The following FOXJ3 variants were observed in gnomAD, a reference collection of about 807,000 sequenced individuals.
The protein encoded by FOXJ3 is forkhead box J3, also known as forkhead box protein J3.
In FOXJ3, 22 loss-of-function variants were observed where a neutral mutation model predicts 76.1. That is an observed-to-expected ratio of 0.29 (90% CI 0.21 to 0.41). FOXJ3 has a LOEUF of 0.41. Ranked by LOEUF, FOXJ3 falls within the 10% of genes least tolerant of loss-of-function variation. The probability of loss-of-function intolerance (pLI) is 1.00; values close to 1 mark genes in which losing one functional copy is unlikely to be tolerated. For missense variants in FOXJ3, 613 were observed against 762.1 expected (o/e 0.80, Z 2.30); for synonymous variants, 269 against 261.2 (o/e 1.03, Z -0.29).
intron 5 of FOXJ3, among the ~76,000 whole-genome samples, chr1:42,226,184 T>C (rs780987736): frequency 4.0e-5 from 6 of 151,264 alleles, no homozygotes; most frequent in Non-Finnish European, 8.8e-5. Flanking sequence ...AAGCCTACTT[T>C]AAAAGGCAAA....
Position 42,191,372 on chromosome 1 carries a change from G to T in FOXJ3, c.1282C>A (p.Pro428Thr). ...PSPHQHIQHH[P>T]NHQHQTLTHQ... ...GTTAACGTCTGATGCTGATGGTTCG[G>T]ATGGTGCTGTATGTGTTGATGTGGA... is the stretch of plus-strand genomic sequence containing the variant. Residue 428 changes from proline to threonine, a missense_variant, in exon 9 of 13, where the codon CCG becomes ACG. By Grantham distance (38) the Pro-to-Thr change is conservative. Coordinates refer to ENST00000361346, the MANE Select transcript of FOXJ3 (RefSeq NM_014947.5). 6.3e-7 allele frequency: 1 copy of T among 1,595,084 alleles called. No individual in the cohort carries two copies. Among genetic ancestry groups the T allele is most frequent in the Non-Finnish European group, 8.6e-7 (1 of 1,166,214 alleles).
intron 2 of FOXJ3, among the ~76,000 whole-genome samples, chr1:42,309,437 C>G (rs562817063): frequency 2.0e-5 from 3 of 152,158 alleles, no homozygotes; most frequent in Admixed American, 2.0e-4. Flanking sequence ...TTCAGTGAAG[C>G]CTTCCCTTAG....
intron 4 of FOXJ3, among the ~76,000 whole-genome samples, chr1:42,260,703 G>A (rs1290369676): frequency 6.6e-6 from 1 of 152,118 alleles, no homozygotes; most frequent in Non-Finnish European, 1.5e-5. Context: ...TCACAATCCT[G>A]TAAGTTTCAA....
intron 2 of FOXJ3, among the ~76,000 whole-genome samples, chr1:42,302,798 T>G (rs962280509): frequency 7.9e-5 from 12 of 152,158 alleles, no homozygotes; most frequent in African/African-American, 2.7e-4. Context: ...GGCATGTGTT[T>G]TATATTTAAC....
chr1:42,281,792 C>T (rs1248001444), intron 2 of FOXJ3, among the ~76,000 whole-genome samples: 1 of 152,166 alleles, frequency 6.6e-6, no homozygotes, highest in Non-Finnish European at 1.5e-5. Context: ...GGTGCGGTGG[C>T]TCATGCCTGT....
intron 5 of FOXJ3, among the ~76,000 whole-genome samples, chr1:42,220,418 G>A (rs1647158468): frequency 6.6e-6 from 1 of 152,076 alleles, no homozygotes; most frequent in Non-Finnish European, 1.5e-5. Context: ...CAAAGGGTCT[G>A]AAAACACACT....
chr1:42,248,730 C>CTTTTTTTTTTT (rs4019587), intron 4 of FOXJ3, among the ~76,000 whole-genome samples: 2 of 92,238 alleles, frequency 2.2e-5, no homozygotes, highest in African/African-American at 8.1e-5. Flanking sequence ...CCTGTTTTTT[C>CTTTTTTTTTTT]TTTTTTTTTT....
chr1:42,280,009 TA>T (rs2124678741), intron 2 of FOXJ3, among the ~76,000 whole-genome samples: 1 of 152,236 alleles, frequency 6.6e-6, no homozygotes, highest in South Asian at 2.1e-4. Flanking sequence ...ACCCAGAGTC[TA>T]AGTACTGATT....
chr1:42,289,145 CT>C (rs1421568196), intron 2 of FOXJ3, among the ~76,000 whole-genome samples: 10 of 151,638 alleles, frequency 6.6e-5, no homozygotes, highest in African/African-American at 2.2e-4. Context: ...GATCTTCAGT[CT>C]TTTGGTCTCT....
At chr1:42,329,130 G>A (rs1327905553) in intron 1 of FOXJ3, among the ~76,000 whole-genome samples, 4 of 152,058 alleles carry the variant, frequency 2.6e-5, no homozygotes, top group African/African-American at 4.8e-5. Context: ...AAATAGAATC[G>A]CAGCCAAAGG....
intron 2 of FOXJ3, among the ~76,000 whole-genome samples, chr1:42,300,926 T>C (rs559884458): frequency 2.0e-5 from 3 of 152,318 alleles, no homozygotes; most frequent in African/African-American, 7.2e-5. Flanking sequence ...CCCTTCTCTC[T>C]TGCTACTCTT....
At chr1:42,335,487 A>C (rs1206845300), upstream of FOXJ3, 2 of 152,344 alleles carry the variant, frequency 1.3e-5, no homozygotes, top group East Asian at 3.9e-4. Context: ...TCTGGGAGCA[A>C]AGGCGGCGGA....
At chr1:42,291,984 C>T (rs1315941803) in intron 2 of FOXJ3, among the ~76,000 whole-genome samples, 3 of 151,872 alleles carry the variant, frequency 2.0e-5, no homozygotes, top group African/African-American at 7.3e-5. Context: ...CTCAGGGTCC[C>T]GATGCCGGTG....
At chr1:42,193,821 T>C (rs115323476) in intron 8 of FOXJ3, among the ~76,000 whole-genome samples, 26 of 152,270 alleles carry the variant, frequency 1.7e-4, no homozygotes, top group African/African-American at 5.8e-4. Flanking sequence ...ATGTTGGAAC[T>C]TCAACCCCCA....
chr1:42,302,925 T>C (rs1195953258), intron 2 of FOXJ3, among the ~76,000 whole-genome samples: 1 of 152,058 alleles, frequency 6.6e-6, no homozygotes, highest in Non-Finnish European at 1.5e-5. Flanking sequence ...CTCCTGTCTT[T>C]TGCTAACAAA....
intron 1 of FOXJ3, among the ~76,000 whole-genome samples, chr1:42,333,682 A>G (rs1017042869): frequency 6.6e-6 from 1 of 152,196 alleles, no homozygotes; most frequent in African/African-American, 2.4e-5. Flanking sequence ...TCAAAACAGC[A>G]AAACAGAAGA....
chr1:42,227,655 C>A (rs1229557555), intron 5 of FOXJ3, among the ~76,000 whole-genome samples: 1 of 152,194 alleles, frequency 6.6e-6, no homozygotes, highest in African/African-American at 2.4e-5. Context: ...TCAAACGACA[C>A]CTGCGCCCTA....
intron 2 of FOXJ3, among the ~76,000 whole-genome samples, chr1:42,283,462 T>C (rs1298042296): frequency 6.6e-6 from 1 of 152,184 alleles, no homozygotes; most frequent in African/African-American, 2.4e-5. Context: ...ACTTTCCTAA[T>C]TCCCAAAGTG....
chr1:42,237,164 A>C (rs185268021), intron 4 of FOXJ3, among the ~76,000 whole-genome samples: 5 of 152,072 alleles, frequency 3.3e-5, no homozygotes, highest in South Asian at 2.1e-4. Flanking sequence ...TCACGAGGTA[A>C]GGAGATCGAG....
Sources: allele counts gnomAD v4.1 joint callset (sites outside exome capture counted in the v4.1 genomes callset), GRCh38; gene constraint gnomAD v4.1.1; transcripts MANE v1.5; gene names NCBI Gene and HGNC (gene_info 2026-07-23, HGNC 2026-07-21).